Variants in ADAMTSL1 observed in about 807,000 individuals in gnomAD.
ADAMTSL1 encodes ADAMTS-like protein 1.
Under a neutral mutation model 201.8 loss-of-function variants are expected in ADAMTSL1, and 126 were observed. That is an observed-to-expected ratio of 0.62 (90% CI 0.54 to 0.72). The LOEUF is 0.72. Ranked by LOEUF, ADAMTSL1 falls within the 30% of genes least tolerant of loss-of-function variation. The pLI is 0.00. For synonymous variants in ADAMTSL1, 1,121 were observed against 903.4 expected (o/e 1.24, Z -4.32); for missense variants, 2,679 against 2,277.8 (o/e 1.18, Z -3.59).
At chr9:18,590,153 T>C (rs928368063) in intron 4 of ADAMTSL1, among the ~76,000 whole-genome samples, 2 of 152,106 alleles carry the variant, frequency 1.3e-5, no homozygotes, top group Non-Finnish European at 2.9e-5. Context: ...AGTGAAGTCA[T>C]TGGGTCCTGG....
At chr9:18,076,138 C>A (rs1823213705) in intron 1 of ADAMTSL1, among the ~76,000 whole-genome samples, 1 of 152,164 alleles carries the variant, frequency 6.6e-6, no homozygotes, top group Admixed American at 6.5e-5. Context: ...CCTTCCTAAC[C>A]AAGATCTATT....
intron 2 of ADAMTSL1, among the ~76,000 whole-genome samples, chr9:18,435,635 G>A (rs1161127041): frequency 6.6e-6 from 1 of 152,150 alleles, no homozygotes; most frequent in Non-Finnish European, 1.5e-5. Context: ...GATCTGTGAG[G>A]CCAGGACAGA....
chr9:18,844,136 A>T (rs201325190), intron 23 of ADAMTSL1, among the ~76,000 whole-genome samples: 1 of 151,968 alleles, frequency 6.6e-6, no homozygotes, highest in African/African-American at 2.4e-5. Flanking sequence ...TCCAGTTTTT[A>T]TGCTCTGTTT....
chr9:18,559,312 G>T (rs1043233918), intron 3 of ADAMTSL1, among the ~76,000 whole-genome samples: 6 of 152,164 alleles, frequency 3.9e-5, no homozygotes, highest in African/African-American at 1.4e-4. Flanking sequence ...AGATCAGGTG[G>T]TTGTAGATTT....
Position 17,966,188 on chromosome 9 carries a change from G to A in ADAMTSL1, c.87+59266G>A, listed in dbSNP as rs113315080. 3.9e-3 allele frequency among the ~76,000 whole-genome samples: 592 copies of A among 152,218 alleles called. 5 individuals are homozygous for A. Among genetic ancestry groups the A allele is most frequent in the African/African-American group, 0.013 (546 of 41,542 alleles). Reference sequence around the variant, plus strand: ...AATACTCATCAATGAATACCTGAAGGCACAGTTCTTGCTTTAAGGAAACAA... The same window carrying A: ...AATACTCATCAATGAATACCTGAAGACACAGTTCTTGCTTTAAGGAAACAA... On this transcript the variant is annotated intron_variant, in intron 1 of 29. Coordinates refer to the ADAMTSL1 transcript ENST00000680146.
intron 26 of ADAMTSL1, among the ~76,000 whole-genome samples, chr9:18,904,501 G>A (rs1830182194): frequency 6.6e-6 from 1 of 151,504 alleles, no homozygotes. Flanking sequence ...TAAAAATACG[G>A]TTAAAGAGAG....
intron 2 of ADAMTSL1, among the ~76,000 whole-genome samples, chr9:18,306,876 C>T (rs1488998602): frequency 6.6e-6 from 1 of 151,932 alleles, no homozygotes; most frequent in African/African-American, 2.4e-5. Context: ...AAGAGCAAAC[C>T]CAAGACACAT....
intron 15 of ADAMTSL1, among the ~76,000 whole-genome samples, chr9:18,752,676 A>T (rs991250508): frequency 6.6e-6 from 1 of 152,176 alleles, no homozygotes. Context: ...CATCCAGATA[A>T]TGAGCCACTC....
At chr9:18,588,010 T>A (rs1034643801) in intron 4 of ADAMTSL1, among the ~76,000 whole-genome samples, 6 of 152,176 alleles carry the variant, frequency 3.9e-5, no homozygotes, top group African/African-American at 1.2e-4. Context: ...TGCTGGATCA[T>A]ATAGTAGTTC....
intron 1 of ADAMTSL1, among the ~76,000 whole-genome samples, chr9:17,919,246 AG>A (rs1826215422): frequency 6.6e-6 from 1 of 151,742 alleles, no homozygotes; most frequent in Admixed American, 6.6e-5. Context: ...TATTTTTTCT[AG>A]TACACTTCCT....
chr9:18,758,111 C>T (rs574655986), intron 16 of ADAMTSL1, among the ~76,000 whole-genome samples: 10 of 152,184 alleles, frequency 6.6e-5, no homozygotes, highest in South Asian at 2.1e-4. Context: ...CTGCACTTGG[C>T]CTCTCTTGAG....
At chr9:18,155,090 T>C (rs1827093084) in intron 1 of ADAMTSL1, among the ~76,000 whole-genome samples, 1 of 152,038 alleles carries the variant, frequency 6.6e-6, no homozygotes. Context: ...ATTTTGTTTT[T>C]GAAGGGGAAA....
chr9:18,824,985 C>T (rs1296938976), intron 21 of ADAMTSL1, among the ~76,000 whole-genome samples: 1 of 152,152 alleles, frequency 6.6e-6, no homozygotes, highest in African/African-American at 2.4e-5. Context: ...CATGAGCCAT[C>T]ACGCCCGGCC....
At chr9:18,237,224 G>A (rs940600104) in intron 2 of ADAMTSL1, among the ~76,000 whole-genome samples, 2 of 152,138 alleles carry the variant, frequency 1.3e-5, no homozygotes, top group South Asian at 2.1e-4. Flanking sequence ...TGGGAGATGG[G>A]CCCACCTGGC....
At chr9:18,280,141 C>T (rs747696436) in intron 2 of ADAMTSL1, among the ~76,000 whole-genome samples, 90 of 151,726 alleles carry the variant, frequency 5.9e-4, no homozygotes, top group Non-Finnish European at 1.1e-3. Context: ...TGGCTAGGTA[C>T]CAGGTGTGCT....
intron 19 of ADAMTSL1, among the ~76,000 whole-genome samples, chr9:18,792,712 A>G (rs1822136479): frequency 6.6e-6 from 1 of 152,200 alleles, no homozygotes; most frequent in South Asian, 2.1e-4. Context: ...GTTGATTTTT[A>G]ATTTTCTAAT....
chr9:18,768,955 T>C (rs2133706089), intron 16 of ADAMTSL1, among the ~76,000 whole-genome samples: 1 of 152,312 alleles, frequency 6.6e-6, no homozygotes, highest in Non-Finnish European at 1.5e-5. Flanking sequence ...AAGAAGATTA[T>C]ACCGATATCT....
chr9:18,675,038 A>G (rs906813935), intron 9 of ADAMTSL1, among the ~76,000 whole-genome samples: 1 of 152,164 alleles, frequency 6.6e-6, no homozygotes, highest in African/African-American at 2.4e-5. Flanking sequence ...AGGAACCTCC[A>G]CACAGCCTAT....
intron 2 of ADAMTSL1, among the ~76,000 whole-genome samples, chr9:18,347,095 T>C (rs1349069754): frequency 1.3e-5 from 2 of 152,200 alleles, no homozygotes; most frequent in Non-Finnish European, 2.9e-5. Flanking sequence ...CTCATCTTGT[T>C]TGAAAGAGAA....
Sources: gnomAD v4.1 joint callset for allele counts (sites outside exome capture counted in the v4.1 genomes callset) on GRCh38, gnomAD v4.1.1 for gene constraint, MANE v1.5 for transcripts, NCBI Gene and HGNC (gene_info 2026-07-23, HGNC 2026-07-21) for gene names.